Variants in VRTN observed in about 807,000 individuals in gnomAD.
VRTN encodes vertnin.
In VRTN, 5 loss-of-function variants were observed where a neutral mutation model predicts 18.2. The ratio of observed to expected loss-of-function variants is 0.27; its 90% confidence interval spans 0.14 to 0.58. VRTN has a LOEUF of 0.58. Among genes scored for constraint, VRTN ranks in the 20% least tolerant of loss-of-function variants. The pLI is 0.91. For synonymous variants in VRTN, 381 were observed against 393.7 expected (o/e 0.97, Z 0.38); for missense variants, 741 against 939.4 (o/e 0.79, Z 2.76).
intron 2 of VRTN, among the ~76,000 whole-genome samples, chr14:74,340,476 G>A (rs1316470780): frequency 6.7e-6 from 1 of 150,010 alleles, no homozygotes; most frequent in Non-Finnish European, 1.5e-5. Flanking sequence ...GAACTCCTGA[G>A]AGGTGATCCG....
chr14:74,314,277 G>A (rs1201691037), intron 1 of VRTN, among the ~76,000 whole-genome samples: 5 of 151,380 alleles, frequency 3.3e-5, no homozygotes, highest in Non-Finnish European at 7.4e-5. Context: ...AGTTGCAGGC[G>A]CACACCACCA....
intron 1 of VRTN, among the ~76,000 whole-genome samples, chr14:74,356,129 G>A (rs1487574557): frequency 1.3e-5 from 2 of 152,046 alleles, no homozygotes; most frequent in Non-Finnish European, 2.9e-5. Flanking sequence ...ACCACGCCCA[G>A]CCAACATCTC....
intron 1 of VRTN, among the ~76,000 whole-genome samples, chr14:74,325,559 G>A (rs1428261560): frequency 2.0e-5 from 3 of 151,820 alleles, no homozygotes; most frequent in Non-Finnish European, 4.4e-5. Context: ...TGTTACCCCA[G>A]CACTTTGGGA....
At chr14:74,337,259 C>T (rs906670726) in intron 1 of VRTN, among the ~76,000 whole-genome samples, 3 of 152,032 alleles carry the variant, frequency 2.0e-5, no homozygotes, top group South Asian at 2.1e-4. Flanking sequence ...AGGAGAATTG[C>T]TTGAACCTGG....
intron 1 of VRTN, among the ~76,000 whole-genome samples, chr14:74,321,889 G>A (rs2085458110): frequency 6.6e-6 from 1 of 151,800 alleles, no homozygotes; most frequent in South Asian, 2.1e-4. Flanking sequence ...CCCACAGGCT[G>A]CAGTGCAGTG....
At chr14:74,318,080 C>T (rs2085429008) in intron 1 of VRTN, among the ~76,000 whole-genome samples, 2 of 152,188 alleles carry the variant, frequency 1.3e-5, no homozygotes, top group African/African-American at 4.8e-5. Context: ...GATTGTGCCA[C>T]TGCACTCCAG....
Sources: gnomAD v4.1 joint callset for allele counts (sites outside exome capture counted in the v4.1 genomes callset) on GRCh38, gnomAD v4.1.1 for gene constraint, MANE v1.5 for transcripts, NCBI Gene and HGNC (gene_info 2026-07-23, HGNC 2026-07-21) for gene names.